The following MACROD2 variants were observed in gnomAD, a reference collection of about 807,000 sequenced individuals.
MACROD2 encodes ADP-ribose glycohydrolase MACROD2.
Under a neutral mutation model 70.4 loss-of-function variants are expected in MACROD2, and 36 were observed. That is an observed-to-expected ratio of 0.51 (90% confidence interval 0.39 to 0.68). The LOEUF (loss-of-function observed/expected upper bound fraction) is 0.68, where lower values mean the gene tolerates loss of function less well. Among genes scored for constraint, MACROD2 ranks in the 30% least tolerant of loss-of-function variants. The pLI, the probability that MACROD2 is intolerant of heterozygous loss-of-function variation, is 0.00. For synonymous variants in MACROD2, 172 were observed against 178.8 expected (o/e 0.96, Z 0.30); for missense variants, 496 against 538.4 (o/e 0.92, Z 0.78).
At chr20:15,391,787 G>T (rs1387387127) in intron 6 of MACROD2, among the ~76,000 whole-genome samples, 1 of 152,186 alleles carries the variant, frequency 6.6e-6, no homozygotes, top group Non-Finnish European at 1.5e-5. Flanking sequence ...CACTTCCAGA[G>T]TTTTGATTTA....
chr20:13,996,025 G>A (rs572819293), intron 1 of MACROD2, among the ~76,000 whole-genome samples: 114 of 152,264 alleles, frequency 7.5e-4, no homozygotes, highest in African/African-American at 2.6e-3. Flanking sequence ...GCTCGCGCAC[G>A]TGTGGGCGCA....
intron 6 of MACROD2, among the ~76,000 whole-genome samples, chr20:15,317,020 A>G (rs1325042910): frequency 6.6e-6 from 1 of 152,100 alleles, no homozygotes; most frequent in African/African-American, 2.4e-5. Flanking sequence ...ATGAAAATAA[A>G]AACACACATA....
At chr20:15,381,028 C>T (rs576502174) in intron 6 of MACROD2, among the ~76,000 whole-genome samples, 2 of 152,098 alleles carry the variant, frequency 1.3e-5, no homozygotes, top group South Asian at 4.1e-4. Flanking sequence ...TCAGTTCCAA[C>T]TATAGATTGA....
intron 6 of MACROD2, among the ~76,000 whole-genome samples, chr20:15,332,267 G>T (rs2078000858): frequency 6.6e-6 from 1 of 151,614 alleles, no homozygotes; most frequent in African/African-American, 2.4e-5. Context: ...AATAAATCCA[G>T]TTCAATCATT....
intron 5 of MACROD2, among the ~76,000 whole-genome samples, chr20:15,211,511 T>G (rs175264): frequency 0.27 from 40,800 of 151,978 alleles, 5,649 homozygotes; most frequent in Middle Eastern, 0.31. Context: ...ATAAATGGCT[T>G]GGTGCCGTCC....
At chr20:14,198,626 C>T (rs1323647159) in intron 3 of MACROD2, among the ~76,000 whole-genome samples, 2 of 152,080 alleles carry the variant, frequency 1.3e-5, no homozygotes, top group Non-Finnish European at 2.9e-5. Flanking sequence ...TTATGTAGTC[C>T]CCTGGTGGAC....
intron 3 of MACROD2, among the ~76,000 whole-genome samples, chr20:14,418,462 A>G (rs2083835645): frequency 6.6e-6 from 1 of 152,206 alleles, no homozygotes; most frequent in South Asian, 2.1e-4. Context: ...TTCCAGTTGA[A>G]AAGGTCTTTG....
chr20:15,838,926 T>G (rs924242056), intron 8 of MACROD2, among the ~76,000 whole-genome samples: 1 of 152,080 alleles, frequency 6.6e-6, no homozygotes, highest in African/African-American at 2.4e-5. Context: ...CCAGACAGTT[T>G]GGAGGACGGC....
In MACROD2 at chr20:14,302,937, C is replaced by T. The variant is rs191115865; in HGVS notation, c.272-190542C>T. Among the ~76,000 whole-genome samples the T allele has an allele frequency of 3.0e-4, 45 of 152,242 alleles. No homozygotes were observed. The South Asian group carries it at 5.6e-3, about 19-fold the overall frequency. On this transcript the variant is annotated intron_variant, in intron 3 of 17. Transcript: ENST00000684519. Reference sequence around the variant, plus strand: ...CAAGTGCTGGGACTACAGGTGTGAGCCACCGTGCCTGGCCGGAAGTTATTT... The same window carrying T: ...CAAGTGCTGGGACTACAGGTGTGAGTCACCGTGCCTGGCCGGAAGTTATTT...
At chr20:15,032,612 G>A (rs2075284483) in intron 5 of MACROD2, among the ~76,000 whole-genome samples, 1 of 152,170 alleles carries the variant, frequency 6.6e-6, no homozygotes, top group Admixed American at 6.5e-5. Context: ...CACTCTAACC[G>A]GAAATGCACA....
chr20:14,647,680 C>T (rs1161520920), intron 4 of MACROD2, among the ~76,000 whole-genome samples: 1 of 152,128 alleles, frequency 6.6e-6, no homozygotes, highest in Non-Finnish European at 1.5e-5. Context: ...TAGAATCTCT[C>T]TCACAATGAT....
At chr20:15,112,895 C>T (rs2075965231) in intron 5 of MACROD2, among the ~76,000 whole-genome samples, 1 of 150,746 alleles carries the variant, frequency 6.6e-6, no homozygotes, top group Non-Finnish European at 1.5e-5. Context: ...TATATCTGTC[C>T]ATGTTGTAGC....
intron 6 of MACROD2, among the ~76,000 whole-genome samples, chr20:15,274,069 T>C (rs2146074022): frequency 6.6e-6 from 1 of 152,318 alleles, no homozygotes; most frequent in South Asian, 2.1e-4. Flanking sequence ...AAGAGTTTAA[T>C]GAAGCAGCAT....
intron 5 of MACROD2, among the ~76,000 whole-genome samples, chr20:14,847,673 A>G (rs429156): frequency 0.57 from 87,181 of 151,928 alleles, 26,229 homozygotes; most frequent in Non-Finnish European, 0.67. Context: ...AGTTTTATCA[A>G]TAGATTACAT....
At chr20:15,794,350 A>C (rs17632947) in intron 8 of MACROD2, among the ~76,000 whole-genome samples, 19,384 of 152,136 alleles carry the variant, frequency 0.13, 1,420 homozygotes, top group Middle Eastern at 0.28. Context: ...CCTTAGGAGC[A>C]CTGAATAACA....
At chr20:14,389,971 G>C (rs1280700281) in intron 3 of MACROD2, among the ~76,000 whole-genome samples, 1 of 152,170 alleles carries the variant, frequency 6.6e-6, no homozygotes, top group Admixed American at 6.5e-5. Flanking sequence ...CCTGTTTGCA[G>C]ACAACATGAT....
At chr20:15,102,180 TA>T (rs1195388293) in intron 5 of MACROD2, among the ~76,000 whole-genome samples, 5 of 151,536 alleles carry the variant, frequency 3.3e-5, no homozygotes. Context: ...GACAGGCAAA[TA>T]AAAAATCCTA....
intron 2 of MACROD2, among the ~76,000 whole-genome samples, chr20:14,023,776 A>C (rs2053120599): frequency 6.6e-6 from 1 of 152,228 alleles, no homozygotes; most frequent in South Asian, 2.1e-4. Flanking sequence ...TTTTAGCACC[A>C]GTATCATGCT....
At chr20:15,416,173 TA>T (rs1322808661) in intron 6 of MACROD2, among the ~76,000 whole-genome samples, 1 of 152,236 alleles carries the variant, frequency 6.6e-6, no homozygotes, top group African/African-American at 2.4e-5. Flanking sequence ...CTCTGGTTGA[TA>T]AAACTCTTCA....
Sources: allele counts gnomAD v4.1 joint callset (sites outside exome capture counted in the v4.1 genomes callset), GRCh38; gene constraint gnomAD v4.1.1; transcripts MANE v1.5; gene names NCBI Gene and HGNC (gene_info 2026-07-23, HGNC 2026-07-21).